The following C16orf95 variants were observed in gnomAD, a reference collection of about 807,000 sequenced individuals.
C16orf95 encodes the protein uncharacterized protein C16orf95.
A neutral mutation model predicts 32.1 loss-of-function variants in C16orf95; 41 were observed. The ratio of observed to expected loss-of-function variants is 1.28; its 90% confidence interval spans 1.00 to 1.66. C16orf95 has a LOEUF of 1.66. Ranked by LOEUF, C16orf95 falls within the 40% of genes most tolerant of loss-of-function variation. The pLI is 0.00. For missense variants in C16orf95, 399 were observed against 325.9 expected, an observed-to-expected ratio of 1.22 and a Z score of -1.73; for synonymous variants, 147 against 128.9, an observed-to-expected ratio of 1.14 and a Z score of -0.95.
At chr16:87,315,146 G>C in intron 2 of C16orf95, 50 bp from the exon 3 acceptor site, 3 of 1,525,170 alleles carry the variant, frequency 2.0e-6, no homozygotes, top group Non-Finnish European at 2.6e-6. Context: ...TGCATTTGCA[G>C]GGAGACAGGA....
chr16:87,312,178 G>A (rs752065355), intron 3 of C16orf95, among the ~76,000 whole-genome samples: 8 of 152,130 alleles, frequency 5.3e-5, no homozygotes, highest in South Asian at 2.1e-4. Context: ...TCTCAGCTGC[G>A]GGTTCAACGA....
chr16:87,317,087 T>C lies in C16orf95; in HGVS notation c.152+4A>G, dbSNP rs1308216013. On this transcript the variant is annotated splice_donor_region_variant and intron_variant, in intron 1 of 6. Transcript: ENST00000567970. Reference sequence around the variant, plus strand: ...GCCGCGGGCAGGATTCAGGACTCACTTGCCTGCCATCCTGCGCGCTGGGTG... The same window carrying C: ...GCCGCGGGCAGGATTCAGGACTCACCTGCCTGCCATCCTGCGCGCTGGGTG... 9 of 1,518,408 alleles carry C rather than the reference T, an allele frequency of 5.9e-6. No homozygotes were observed. The highest frequency in any genetic ancestry group is 7.9e-6 in the Non-Finnish European group (9 of 1,136,488). 94.1% of individuals were successfully genotyped at this position (1,518,408 alleles called of 1,614,324 possible).
rs560078997 is a variant in C16orf95 at position 87,317,354 on chromosome 16, C to A, written c.-112G>T. 80 of 1,422,520 alleles carry A rather than the reference C, an allele frequency of 5.6e-5. No individual in the cohort carries two copies. The African/African-American group carries it at 8.7e-4, about 15-fold the overall frequency. The allele number at this position is 1,422,520 out of a possible 1,614,324, so 88.1% of individuals were successfully genotyped here. A position where few individuals can be genotyped will look rare whatever the true frequency, so the allele number is the denominator to read the frequency against. ...AGGAGGAACCCAACCCGAGCTCAAC[C>A]CCAGCCCCAACCTCAACCGCTCAGA... On this transcript the variant is annotated 5_prime_UTR_variant, in exon 1 of 7. Coordinates refer to ENST00000567970, the MANE Select transcript of C16orf95 (RefSeq NM_001195124.3).
chr16:87,317,342 C>T lies in C16orf95; in HGVS notation c.-100G>A, dbSNP rs1438163974. Reference sequence around the variant, plus strand: ...CCCTCCTGCCCCAGGAGGAACCCAACCCGAGCTCAACCCCAGCCCCAACCT... The same window carrying T: ...CCCTCCTGCCCCAGGAGGAACCCAATCCGAGCTCAACCCCAGCCCCAACCT... On this transcript the variant is annotated 5_prime_UTR_variant, in exon 1 of 7. Coordinates refer to ENST00000567970, the MANE Select transcript of C16orf95 (RefSeq NM_001195124.3). 2 of 1,429,276 alleles carry T rather than the reference C, an allele frequency of 1.4e-6. No homozygotes were observed. Among genetic ancestry groups the T allele is most frequent in the East Asian group, 2.7e-5 (1 of 37,126 alleles). 88.5% of individuals were successfully genotyped at this position (1,429,276 alleles called of 1,614,324 possible).
chr16:87,311,128 G>A, intron 4 of C16orf95, 22 bp downstream of exon 4: 3 of 1,494,808 alleles, frequency 2.0e-6, no homozygotes, highest in Non-Finnish European at 2.7e-6. Context: ...AGTTCTCACT[G>A]CAGTGTGCGC....
At chr16:87,303,367 A>C in intron 6 of C16orf95, 1 of 402,950 alleles carries the variant, frequency 2.5e-6, no homozygotes, top group East Asian at 4.1e-5. Context: ...GGACAGGTGA[A>C]ATGAAGGCAG....
chr16:87,308,439 C>G (rs1474919831), intron 5 of C16orf95, among the ~76,000 whole-genome samples: 1 of 151,882 alleles, frequency 6.6e-6, no homozygotes, highest in Non-Finnish European at 1.5e-5. Flanking sequence ...CGAGATTGCG[C>G]CACTGCAAGC....
chr16:87,315,766 C>A lies in C16orf95; in HGVS notation c.204+6G>T, dbSNP rs1437153326. The A allele has an allele frequency of 1.3e-6, 2 of 1,528,276 alleles. No homozygotes were observed. Among genetic ancestry groups the A allele is most frequent in the East Asian group, 4.9e-5 (2 of 40,556 alleles). The allele number at this position is 1,528,276 out of a possible 1,614,324, so 94.7% of individuals were successfully genotyped here. ...GGGCCAGTGGCTGAGGATTTGCTTT[C>A]CTTACCGAATGACGGGGGAGGCACA... On this transcript the variant is annotated splice_donor_region_variant and intron_variant, in intron 2 of 6. Coordinates refer to ENST00000567970, the MANE Select transcript of C16orf95 (RefSeq NM_001195124.3).
intron 5 of C16orf95, among the ~76,000 whole-genome samples, chr16:87,309,756 T>C (rs2150651023): frequency 6.6e-6 from 1 of 152,276 alleles, no homozygotes; most frequent in East Asian, 1.9e-4. Flanking sequence ...AATACATGAA[T>C]GTGAGTATAT....
chr16:87,317,305 G>T lies in C16orf95; in HGVS notation c.-63C>A. ...ATCGTCCGCAGGCCCTGACGCCCTG[G>T]CTCCCGCCTTTCCCTCCTGCCCCAG... On this transcript the variant is annotated 5_prime_UTR_variant, in exon 1 of 7. Coordinates refer to ENST00000567970, the MANE Select transcript of C16orf95 (RefSeq NM_001195124.3). 6.9e-7 allele frequency: 1 copy of T among 1,450,686 alleles called. No individual in the cohort carries two copies. The highest frequency in any genetic ancestry group is 9.1e-7 in the Non-Finnish European group (1 of 1,100,406). The allele number at this position is 1,450,686 out of a possible 1,614,324, so 89.9% of individuals were successfully genotyped here. A position where few individuals can be genotyped will look rare whatever the true frequency, so the allele number is the denominator to read the frequency against.
chr16:87,305,955 T>C lies in C16orf95; in HGVS notation c.515-50A>G. ...GGACAGGGCGTGTTCTCCGGGACTC[T>C]GTGAGCCACGAGGAGGCTGCAACAC... On this transcript the variant is annotated intron_variant, in intron 5 of 6. Coordinates refer to ENST00000567970, the MANE Select transcript of C16orf95 (RefSeq NM_001195124.3). This position sits in a 1 kb window ranked among gnomAD's most constrained non-coding sequence, Gnocchi z 4.2. 2 of 1,335,098 alleles carry C rather than the reference T, an allele frequency of 1.5e-6. No individual in the cohort carries two copies. The allele number at this position is 1,335,098 out of a possible 1,614,324, so 82.7% of individuals were successfully genotyped here. A position where few individuals can be genotyped will look rare whatever the true frequency, so the allele number is the denominator to read the frequency against.
At chr16:87,310,720 C>T (rs1911243533) in intron 4 of C16orf95, among the ~76,000 whole-genome samples, 1 of 152,136 alleles carries the variant, frequency 6.6e-6, no homozygotes, top group Non-Finnish European at 1.5e-5. Flanking sequence ...CTTCCCACCT[C>T]CCTCCATGCA....
At chr16:87,310,406 C>G (rs1463673305) in intron 4 of C16orf95, 73 bp from the exon 5 acceptor site, 1 of 1,450,614 alleles carries the variant, frequency 6.9e-7, no homozygotes, top group Non-Finnish European at 9.3e-7. Flanking sequence ...GATTGGGACT[C>G]CAAACCTCCA....
rs1904395202 is a variant in C16orf95, at chr16:87,317,303, T to C, written c.-61A>G. 1 of 1,453,570 alleles carries C rather than the reference T, an allele frequency of 6.9e-7. No individual in the cohort carries two copies. Among genetic ancestry groups the C allele is most frequent in the Non-Finnish European group, 9.1e-7 (1 of 1,101,716 alleles). The allele number at this position is 1,453,570 out of a possible 1,614,324, so 90.0% of individuals were successfully genotyped here. A position where few individuals can be genotyped will look rare whatever the true frequency, so the allele number is the denominator to read the frequency against. On this transcript the variant is annotated 5_prime_UTR_variant, in exon 1 of 7. Coordinates refer to ENST00000567970, the MANE Select transcript of C16orf95 (RefSeq NM_001195124.3). The stretch of plus-strand genomic sequence containing the variant: ...ACATCGTCCGCAGGCCCTGACGCCC[T>C]GGCTCCCGCCTTTCCCTCCTGCCCC...
At chr16:87,307,834 C>G (rs544327179) in intron 5 of C16orf95, among the ~76,000 whole-genome samples, 3 of 152,196 alleles carry the variant, frequency 2.0e-5, no homozygotes, top group Non-Finnish European at 4.4e-5. Context: ...AAGGTCAAGA[C>G]ACTTTTGTCA....
chr16:87,315,863 C>A (rs1051991049), intron 1 of C16orf95, 40 bp from the exon 2 acceptor site: 5 of 1,482,518 alleles, frequency 3.4e-6, no homozygotes, highest in Middle Eastern at 3.4e-4. Flanking sequence ...TTTGTGTAAA[C>A]TAGGGGGCAG....
In C16orf95 at chr16:87,310,243, A is replaced by C. The variant is rs1911219439; in HGVS notation, c.514+54T>G. ...GCCCCCACCATCATGATGCTCACGA[A>C]CCCCACCTTTCTGGGGAGGGGGATG... On this transcript the variant is annotated intron_variant, in intron 5 of 6. Transcript: ENST00000567970. 18 of 1,514,024 alleles carry C rather than the reference A, an allele frequency of 1.2e-5. No homozygotes were observed. The Middle Eastern group carries it at 6.7e-4, about 56-fold the overall frequency. The allele number at this position is 1,514,024 out of a possible 1,614,324, so 93.8% of individuals were successfully genotyped here. A position where few individuals can be genotyped will look rare whatever the true frequency, so the allele number is the denominator to read the frequency against.
At chr16:87,309,486 C>G (rs914178063) in intron 5 of C16orf95, among the ~76,000 whole-genome samples, 6 of 144,602 alleles carry the variant, frequency 4.1e-5, no homozygotes, top group African/African-American at 1.6e-4. Flanking sequence ...CAGGTTCAAG[C>G]AATTCTCATG....
rs550541000 is a variant in C16orf95 at position 87,305,486 on chromosome 16, G to GCCCCACGAGGCCCCCGCCAC, written c.701+232_701+233insGTGGCGGGGGCCTCGTGGGG. On this transcript the variant is annotated intron_variant, in intron 6 of 6. Transcript: ENST00000567970. This position sits in a 1 kb window ranked among gnomAD's most constrained non-coding sequence, Gnocchi z 4.2. ...TTGGGAAGAGGGAAGGGGTGGAAGTGCCCCACGAGGCCCCCGCCGCCCCCA... is the reference window on the plus strand; with the variant it reads ...TTGGGAAGAGGGAAGGGGTGGAAGTGCCCCACGAGGCCCCCGCCACCCCCACGAGGCCCCCGCCGCCCCCA... 0.33 allele frequency among the ~76,000 whole-genome samples: 43,942 copies of GCCCCACGAGGCCCCCGCCAC among 134,584 alleles called. 7,831 individuals are homozygous for GCCCCACGAGGCCCCCGCCAC. Among genetic ancestry groups the GCCCCACGAGGCCCCCGCCAC allele is most frequent in the Non-Finnish European group, 0.45 (27,346 of 61,074 alleles). 88.3% of individuals were successfully genotyped at this position (134,584 alleles called of 152,430 possible).
Sources: allele counts gnomAD v4.1 joint callset (sites outside exome capture counted in the v4.1 genomes callset), GRCh38; gene constraint gnomAD v4.1.1; non-coding constraint Gnocchi (gnomAD v3.1); transcripts MANE v1.5; gene names NCBI Gene and HGNC (gene_info 2026-07-23, HGNC 2026-07-21).